Variants in PIGN observed in about 807,000 individuals in gnomAD.
PIGN encodes the protein GPI ethanolamine phosphate transferase 1.
Under a neutral mutation model 125.4 loss-of-function variants are expected in PIGN, and 117 were observed. That is an observed-to-expected ratio of 0.93 (90% CI 0.80 to 1.09). The LOEUF is 1.09. Ranked by LOEUF, PIGN falls within the 50% of genes least tolerant of loss-of-function variation. PIGN has a pLI of 0.00. For missense variants in PIGN, 1,075 were observed against 1,094.9 expected (o/e 0.98, Z 0.26); for synonymous variants, 392 against 377.8 (o/e 1.04, Z -0.44).
Position 62,053,000 on chromosome 18 carries a change from A to G in PIGN, c.2673-7021T>C, listed in dbSNP as rs143646840. On this transcript the variant is annotated intron_variant, in intron 30 of 30. Transcript: ENST00000640252. ...AATAAAGAAAGAATCTGCTAAAATTATGAAGGAAAAAGAACTCAGTAAGTA... is the reference window on the plus strand; with the variant it reads ...AATAAAGAAAGAATCTGCTAAAATTGTGAAGGAAAAAGAACTCAGTAAGTA... The G allele has an allele frequency of 7.6e-4, 284 of 374,662 alleles. 1 individual carries two copies. Among genetic ancestry groups the G allele is most frequent in the African/African-American group, 5.2e-3 (251 of 48,092 alleles). The allele number at this position is 374,662 out of a possible 1,614,324, so 23.2% of individuals were successfully genotyped here. A position where few individuals can be genotyped will look rare whatever the true frequency, so the allele number is the denominator to read the frequency against.
chr18:62,167,698 A>C (rs377010054), intron 1 of PIGN, among the ~76,000 whole-genome samples: 1 of 118,522 alleles, frequency 8.4e-6, no homozygotes, highest in Non-Finnish European at 1.9e-5. Flanking sequence ...CTCTCTCTCT[A>C]CATATATATA....
Position 62,145,989 on chromosome 18 carries a change from G to T in PIGN, c.842C>A (p.Thr281Asn). ...TCCAGCTCCCCAAGTGACTAAAGGA[G>T]TTAAAGTCTCTGAAGGATGACCAGC... is the stretch of plus-strand genomic sequence containing the variant. ...HGAGHPSETL[T>N]PLVTWGAGIK... The change falls in exon 10 of 31, where the codon ACT becomes AAT. Residue 281 changes from threonine (T) to asparagine (N), a missense_variant. Physicochemically the swap from Thr to Asn is moderately conservative, Grantham distance 65. This residue lies in a region of PIGN where 915 missense variants were observed against 908.7 expected (regional missense o/e 1.01). Transcript: ENST00000640252. The T allele has an allele frequency of 6.2e-7, 1 of 1,603,566 alleles. No homozygotes were observed. Among genetic ancestry groups the T allele is most frequent in the Non-Finnish European group, 8.5e-7 (1 of 1,173,874 alleles).
intron 7 of PIGN, among the ~76,000 whole-genome samples, chr18:62,150,940 TC>T (rs1310717880): frequency 1.3e-5 from 2 of 152,116 alleles, no homozygotes; most frequent in African/African-American, 4.8e-5. Context: ...GAGAACGTGA[TC>T]CACCCGCCTC....
intron 23 of PIGN, among the ~76,000 whole-genome samples, chr18:62,018,189 G>C (rs1195141181): frequency 1.3e-5 from 2 of 152,204 alleles, no homozygotes; most frequent in East Asian, 3.8e-4. Context: ...GCTGGCTCCG[G>C]CCTGCCCTGG....
At position 62,095,849 on chromosome 18, in the gene PIGN, C is replaced by T. The variant is rs765448319; in HGVS notation, c.2179G>A (p.Gly727Arg). Residue 727 changes from glycine to arginine, a missense_variant and splice_region_variant, in exon 23 of 31, where the codon GGG (glycine) becomes AGG (arginine). Gly to Arg is a moderately radical substitution (Grantham distance 125). Transcript: ENST00000640252. ...LMSTYLLLST[G>R]YEALFPLVLS... is the part of the protein sequence containing the mutation. ...ATTAAATTGTTAAAAAGTTTATACC[C>T]TGTGCTTAGAAGTAGGTAGGTTGAC... 2 of 1,573,574 alleles carry T rather than the reference C, an allele frequency of 1.3e-6. No homozygotes were observed. The highest frequency in any genetic ancestry group is 2.7e-5 in the African/African-American group (2 of 74,264).
At chr18:62,056,282 G>A (rs1276172304) in intron 30 of PIGN, among the ~76,000 whole-genome samples, 1 of 151,856 alleles carries the variant, frequency 6.6e-6, no homozygotes, top group East Asian at 2.0e-4. Flanking sequence ...GACAACGGAA[G>A]AGAACAGATC....
rs2030516541 is a variant in PIGN, at chr18:62,044,419, A to T, written c.*1437T>A. ...TCATGATTCTCATTCCATCAACATC[A>T]CTGTTTGCTACCATAGCTTCTTAGT... is the stretch of plus-strand genomic sequence containing the variant. On this transcript the variant is annotated 3_prime_UTR_variant, in exon 31 of 31. Transcript: ENST00000640252. 6.6e-6 allele frequency: 1 copy of T among 152,164 alleles called. No individual in the cohort carries two copies. Among genetic ancestry groups the T allele is most frequent in the African/African-American group, 2.4e-5 (1 of 41,438 alleles). 9.4% of individuals were successfully genotyped at this position (152,164 alleles called of 1,614,324 possible).
chr18:62,165,597 A>G (rs2037105828), intron 1 of PIGN, among the ~76,000 whole-genome samples: 1 of 152,196 alleles, frequency 6.6e-6, no homozygotes, highest in Admixed American at 6.5e-5. Flanking sequence ...ATGCCATAAT[A>G]AGGCAGACAG....
intron 25 of PIGN, among the ~76,000 whole-genome samples, chr18:62,088,043 A>G (rs1217804356): frequency 6.6e-6 from 1 of 152,220 alleles, no homozygotes; most frequent in Admixed American, 6.5e-5. Flanking sequence ...AGAAAGAAAA[A>G]GCAGTAAGTA....
intron 23 of PIGN, among the ~76,000 whole-genome samples, chr18:62,033,553 A>G (rs2030220885): frequency 1.3e-5 from 2 of 152,232 alleles, no homozygotes; most frequent in Admixed American, 1.3e-4. Flanking sequence ...CATGTGATCA[A>G]TGGAATTAAA....
chr18:62,110,110 G>A lies in PIGN; in HGVS notation c.1435-137C>T, dbSNP rs2034816904. ...CTACTAGATGATTAATCAAAGAGCT[G>A]CATTAAGACAAGGAAAAAAATCTAT... On this transcript the variant is annotated intron_variant, in intron 16 of 30. Transcript: ENST00000640252. The A allele has an allele frequency of 4.1e-5, 29 of 705,532 alleles. No homozygotes were observed. In the South Asian group the frequency reaches 6.5e-4, roughly 16 times the overall value. The allele number at this position is 705,532 out of a possible 1,614,324, so 43.7% of individuals were successfully genotyped here.
At chr18:62,185,656 T>C (rs1022908922) in intron 1 of PIGN, among the ~76,000 whole-genome samples, 9 of 152,262 alleles carry the variant, frequency 5.9e-5, no homozygotes, top group Non-Finnish European at 1.3e-4. Context: ...GAATGTAATA[T>C]GTCACTTACC....
intron 1 of PIGN, among the ~76,000 whole-genome samples, chr18:62,184,141 T>C (rs924147440): frequency 6.6e-6 from 1 of 152,120 alleles, no homozygotes; most frequent in Non-Finnish European, 1.5e-5. Context: ...TGAAAAACAA[T>C]AAAACATGAG....
intron 23 of PIGN, among the ~76,000 whole-genome samples, chr18:62,035,706 G>A (rs2005490): frequency 0.31 from 45,978 of 148,246 alleles, 8,281 homozygotes; most frequent in East Asian, 0.63. Context: ...GCCCCGGTGT[G>A]TGATGTTCCC....
chr18:62,078,340 T>C (rs753646415), intron 28 of PIGN, among the ~76,000 whole-genome samples: 17 of 152,216 alleles, frequency 1.1e-4, no homozygotes, highest in Non-Finnish European at 2.1e-4. Flanking sequence ...CAAATCTTCA[T>C]ATTCTTGAAC....
At chr18:62,052,124 A>T (rs1015263593) in intron 30 of PIGN, 4 of 152,080 alleles carry the variant, frequency 2.6e-5, no homozygotes, top group African/African-American at 9.7e-5. Context: ...ACTTCCAACT[A>T]TGTGGTCAAT....
chr18:62,166,827 C>T (rs36134911), intron 1 of PIGN, among the ~76,000 whole-genome samples: 8 of 152,194 alleles, frequency 5.3e-5, no homozygotes, highest in Admixed American at 1.3e-4. Context: ...ACCACATGTT[C>T]TCACTCGTGA....
At chr18:62,079,439 A>T (rs2033342266) in intron 28 of PIGN, among the ~76,000 whole-genome samples, 1 of 152,248 alleles carries the variant, frequency 6.6e-6, no homozygotes, top group South Asian at 2.1e-4. Flanking sequence ...CATAAAATAA[A>T]ACTGAAAATG....
rs75583702 is a variant in PIGN, at chr18:62,184,888, C to T, written c.-236+1956G>A. ...AGTAATAGTTATTGTGTAGCAGGTA[C>T]CAGGCACTGGGACAAGAACATTCTC... On this transcript the variant is annotated intron_variant, in intron 1 of 30. Coordinates refer to ENST00000640252, the MANE Select transcript of PIGN (RefSeq NM_176787.5). Among the ~76,000 whole-genome samples, 25 of 152,234 alleles carry T rather than the reference C, an allele frequency of 1.6e-4. No homozygotes were observed. The East Asian group carries it at 4.8e-3, about 29-fold the overall frequency.
Sources: gnomAD v4.1 joint callset for allele counts (sites outside exome capture counted in the v4.1 genomes callset) on GRCh38, gnomAD v4.1.1 for gene constraint, gnomAD v4.1.1 regional missense constraint, MANE v1.5 for transcripts, NCBI Gene and HGNC (gene_info 2026-07-23, HGNC 2026-07-21) for gene names.